The following SCN10A variants were observed in gnomAD, a reference collection of about 807,000 sequenced individuals.
The protein encoded by SCN10A is sodium channel protein type 10 subunit alpha.
In SCN10A, 162 loss-of-function variants were observed where a neutral mutation model predicts 170.7. The ratio of observed to expected loss-of-function variants is 0.95; its 90% CI spans 0.84 to 1.08. SCN10A has a LOEUF of 1.08. SCN10A is among the 50% of genes least tolerant of loss of function. SCN10A has a pLI of 0.00. For synonymous variants in SCN10A, 985 were observed against 904.6 expected (o/e 1.09, Z -1.59); for missense variants, 2,527 against 2,436.9 (o/e 1.04, Z -0.78).
Position 38,793,724 on chromosome 3 carries a change from C to T in SCN10A, c.270+17G>A. ...CTCCAAGAGCTGAGAGCAGACATTC[C>T]TACTAGTAGCTCTTACCCGGTGTGT... On this transcript the variant is annotated intron_variant, in intron 2 of 27. Coordinates refer to ENST00000449082, the MANE Select transcript of SCN10A (RefSeq NM_006514.4). 1 of 1,604,860 alleles carries T rather than the reference C, an allele frequency of 6.2e-7. No individual in the cohort carries two copies. The highest frequency in any genetic ancestry group is 8.5e-7 in the Non-Finnish European group (1 of 1,173,404).
In SCN10A at chr3:38,722,367, C is replaced by T. The variant is rs1347238671; in HGVS notation, c.3398G>A (p.Ser1133Asn). ...CACCTGCCAGCCCACATCCCATGGA[C>T]TCTTGGTGGTATCCAGTTTGCAGCA... ...CPCCKLDTTKSPWDVGWQVRK... is the reference protein window; with the variant it reads ...CPCCKLDTTKNPWDVGWQVRK... The change falls in exon 20 of 28, where the codon AGT becomes AAT. Residue 1133 changes from serine to asparagine, a missense_variant. Ser to Asn is a conservative substitution (Grantham distance 46, BLOSUM62 1). Transcript: ENST00000449082. 1 of 1,614,046 alleles carries T rather than the reference C, an allele frequency of 6.2e-7. No homozygotes were observed. Among genetic ancestry groups the T allele is most frequent in the East Asian group, 2.2e-5 (1 of 44,898 alleles).
intron 18 of SCN10A, among the ~76,000 whole-genome samples, chr3:38,724,367 G>T (rs556079236): frequency 5.2e-4 from 79 of 152,352 alleles, no homozygotes; most frequent in African/African-American, 1.6e-3. Flanking sequence ...GTGGCTAGGT[G>T]TCAAATTAAA....
intron 1 of SCN10A, among the ~76,000 whole-genome samples, chr3:38,798,310 T>C (rs2064351843): frequency 6.6e-6 from 1 of 152,152 alleles, no homozygotes; most frequent in African/African-American, 2.4e-5. Flanking sequence ...ATTTTAACTC[T>C]ACAGAACTTA....
chr3:38,756,622 C>T (rs2063807870), intron 10 of SCN10A, 52 bp downstream of exon 10: 1 of 1,475,580 alleles, frequency 6.8e-7, no homozygotes. Context: ...GAACAGTATC[C>T]AAGAATGGAC....
intron 16 of SCN10A, among the ~76,000 whole-genome samples, chr3:38,727,725 T>C (rs1189719050): frequency 6.6e-6 from 1 of 152,136 alleles, no homozygotes; most frequent in African/African-American, 2.4e-5. Flanking sequence ...AGTTGGTTGA[T>C]GTCCAGGGCA....
intron 8 of SCN10A, among the ~76,000 whole-genome samples, chr3:38,758,155 C>A (rs2063830455): frequency 6.6e-6 from 1 of 152,142 alleles, no homozygotes; most frequent in African/African-American, 2.4e-5. Context: ...TGTGAACAAC[C>A]CATACCATGG....
chr3:38,722,210 A>G (rs1387353787), intron 20 of SCN10A, 48 bp downstream of exon 20: 1 of 1,570,074 alleles, frequency 6.4e-7, no homozygotes, highest in East Asian at 2.2e-5. Context: ...GGATTGTAGG[A>G]GATTCCTATC....
At chr3:38,748,937 T>C (rs2063720608) in intron 13 of SCN10A, among the ~76,000 whole-genome samples, 1 of 152,232 alleles carries the variant, frequency 6.6e-6, no homozygotes, top group Non-Finnish European at 1.5e-5. Context: ...TACACCACTA[T>C]AAAGTAGCAT....
At chr3:38,756,020 C>T (rs1375558053) in intron 10 of SCN10A, 62 bp from the exon 11 acceptor site, 1 of 1,571,364 alleles carries the variant, frequency 6.4e-7, no homozygotes, top group East Asian at 2.2e-5. Flanking sequence ...ATGAATGTGT[C>T]CCCCAGACAT....
chr3:38,756,616 A>T, intron 10 of SCN10A, 58 bp downstream of exon 10: 1 of 1,415,070 alleles, frequency 7.1e-7, no homozygotes, highest in Non-Finnish European at 9.9e-7. Context: ...AGTCCAGAAC[A>T]GTATCCAAGA....
rs2063283772 is a variant in SCN10A at position 38,712,327 on chromosome 3, C to T, written c.3923G>A (p.Trp1308Ter). 3 of 1,614,090 alleles carry T rather than the reference C, an allele frequency of 1.9e-6. No individual in the cohort carries two copies. Among genetic ancestry groups the T allele is most frequent in the Non-Finnish European group, 2.5e-6 (3 of 1,180,046 alleles). ...TCCATCGGTATAGTTGATGCACCTC[C>T]AAAACTTCCCTGCGAAGAGGTTCAC... ...MGVNLFAGKF[W>*]RCINYTDGEF... Residue 1308 changes from tryptophan (W) to a stop codon, truncating the protein, a stop_gained, in exon 23 of 28, where the codon TGG (tryptophan) becomes TAG (stop). Coordinates refer to ENST00000449082, the MANE Select transcript of SCN10A (RefSeq NM_006514.4). LOFTEE classifies it high-confidence loss of function.
rs1445722582 is a variant in SCN10A at position 38,698,002 on chromosome 3, C to T, written c.5218G>A (p.Asp1740Asn). The change falls in exon 28 of 28, where the codon GAC becomes AAC. Residue 1740 changes from aspartate (D) to asparagine (N), a missense_variant. Transcript: ENST00000449082. ...CAGGTCTCATAGAACATGTCAAAGT[C>T]GTCCTCACTCAGGGGCTCAGTGCTC... ...EESTEPLSED[D>N]FDMFYETWEK... 6.2e-6 allele frequency: 10 copies of T among 1,614,024 alleles called. No homozygotes were observed. The highest frequency in any genetic ancestry group is 2.2e-5 in the East Asian group (1 of 44,878).
chr3:38,766,531 C>G (rs1422376793), intron 5 of SCN10A, among the ~76,000 whole-genome samples: 1 of 151,866 alleles, frequency 6.6e-6, no homozygotes, highest in Non-Finnish European at 1.5e-5. Flanking sequence ...ATGTGACGTG[C>G]AGCATTTATT....
intron 20 of SCN10A, among the ~76,000 whole-genome samples, chr3:38,720,456 G>T (rs1248369510): frequency 1.3e-5 from 2 of 152,144 alleles, no homozygotes; most frequent in Non-Finnish European, 2.9e-5. Context: ...ATAGGGAAAT[G>T]GATGATTTTT....
chr3:38,728,047 C>T (rs1394149453), intron 16 of SCN10A, among the ~76,000 whole-genome samples: 2 of 152,192 alleles, frequency 1.3e-5, no homozygotes, highest in Non-Finnish European at 2.9e-5. Flanking sequence ...TCAGCTCTTA[C>T]TTCCCTGAAT....
At chr3:38,755,979 G>T in intron 10 of SCN10A, 21 bp from the exon 11 acceptor site, 1 of 1,614,006 alleles carries the variant, frequency 6.2e-7, no homozygotes, top group Non-Finnish European at 8.5e-7. Flanking sequence ...AGAACAGCAG[G>T]TGTAGCCAAT....
At position 38,752,199 on chromosome 3, in the gene SCN10A, T is replaced by G; in HGVS notation, c.1755+20A>C. Reference sequence around the variant, plus strand: ...AGGTGGAAGACAGCCTGAGGGAGTCTGAAGCATTCACAAACTCACCGAGAC... The same window carrying G: ...AGGTGGAAGACAGCCTGAGGGAGTCGGAAGCATTCACAAACTCACCGAGAC... On this transcript the variant is annotated intron_variant, in intron 12 of 27. Coordinates refer to ENST00000449082, the MANE Select transcript of SCN10A (RefSeq NM_006514.4). 1 of 1,495,148 alleles carries G rather than the reference T, an allele frequency of 6.7e-7. No homozygotes were observed. Among genetic ancestry groups the G allele is most frequent in the Admixed American group, 2.3e-5 (1 of 43,478 alleles). 92.6% of individuals were successfully genotyped at this position (1,495,148 alleles called of 1,614,324 possible).
chr3:38,782,519 A>G (rs1230311168), intron 4 of SCN10A, among the ~76,000 whole-genome samples: 1 of 151,998 alleles, frequency 6.6e-6, no homozygotes, highest in African/African-American at 2.4e-5. Context: ...CTGTCATTCT[A>G]TTGGCATTTT....
rs758843257 is a variant in SCN10A, at chr3:38,739,639, A to G, written c.2156T>C (p.Phe719Ser). Residue 719 changes from phenylalanine to serine, a missense_variant, in exon 15 of 28, where the codon TTC becomes TCC. Coordinates refer to ENST00000449082, the MANE Select transcript of SCN10A (RefSeq NM_006514.4). ...CTTCTGGAAATAATAGTATGGGTCG[A>G]AGGCAATGATTTTGAAGACCATTTC... ...TAEMVFKIIA[F>S]DPYYYFQKKW... is the part of the protein sequence containing the mutation. The G allele has an allele frequency of 5.3e-5, 85 of 1,614,070 alleles. No individual in the cohort carries two copies. The highest frequency in any genetic ancestry group is 6.9e-5 in the Non-Finnish European group (81 of 1,179,996).
Sources: allele counts gnomAD v4.1 joint callset (sites outside exome capture counted in the v4.1 genomes callset), GRCh38; gene constraint gnomAD v4.1.1; transcripts MANE v1.5; gene names NCBI Gene and HGNC (gene_info 2026-07-23, HGNC 2026-07-21).